The following RBFOX1 variants were observed in gnomAD, a reference collection of about 807,000 sequenced individuals.
RBFOX1 encodes the protein RNA binding protein fox-1 homolog 1.
Under a neutral mutation model 57.7 loss-of-function variants are expected in RBFOX1, and 8 were observed. That is an observed-to-expected ratio of 0.14 (90% CI 0.08 to 0.25). The LOEUF is 0.25. Among genes scored for constraint, RBFOX1 ranks in the 10% least tolerant of loss-of-function variants. The pLI, the probability that RBFOX1 is intolerant of heterozygous loss-of-function variation, is 1.00. For synonymous variants in RBFOX1, 326 were observed against 222.4 expected, an observed-to-expected ratio of 1.47 and a Z score of -4.15; for missense variants, 611 against 548.5, an observed-to-expected ratio of 1.11 and a Z score of -1.14.
chr16:6,111,420 C>G (rs1014336087), intron 1 of RBFOX1, among the ~76,000 whole-genome samples: 4 of 152,156 alleles, frequency 2.6e-5, no homozygotes, highest in African/African-American at 9.7e-5. Flanking sequence ...ACAGAGTGGG[C>G]TGTGAAACCA....
chr16:7,242,278 A>C (rs972422562), intron 4 of RBFOX1, among the ~76,000 whole-genome samples: 7 of 152,172 alleles, frequency 4.6e-5, no homozygotes, highest in African/African-American at 1.7e-4. Context: ...GTTGCATGTA[A>C]ATGTCTGAAT....
At chr16:6,727,426 T>C (rs1309770571) in intron 3 of RBFOX1, among the ~76,000 whole-genome samples, 1 of 152,078 alleles carries the variant, frequency 6.6e-6, no homozygotes, top group Non-Finnish European at 1.5e-5. Context: ...TTTTTTTTTC[T>C]TTTTTTCCTT....
intron 1 of RBFOX1, among the ~76,000 whole-genome samples, chr16:5,259,511 G>A (rs1309117570): frequency 6.6e-6 from 1 of 152,180 alleles, no homozygotes; most frequent in Non-Finnish European, 1.5e-5. Flanking sequence ...CCCCTGGATT[G>A]TAAACTCCTT....
rs2096254208 is a variant in RBFOX1, at chr16:6,097,097, C to T, written c.-127+77105C>T. ...TTGTCATGGTGGTGAGTAAGTCTTA[C>T]TAGATCTGATGGTTTGATAAGGGGA... On this transcript the variant is annotated intron_variant, in intron 1 of 15. Coordinates refer to ENST00000550418, the MANE Select transcript of RBFOX1 (RefSeq NM_018723.4). This position sits in a 1 kb window ranked among gnomAD's most constrained non-coding sequence, Gnocchi z 5.0. Among the ~76,000 whole-genome samples the T allele has an allele frequency of 6.6e-6, 1 of 152,112 alleles. No homozygotes were observed. Among genetic ancestry groups the T allele is most frequent in the Admixed American group, 6.5e-5 (1 of 15,276 alleles).
At chr16:6,608,297 G>A (rs2097977127) in intron 2 of RBFOX1, among the ~76,000 whole-genome samples, 1 of 152,158 alleles carries the variant, frequency 6.6e-6, no homozygotes. Context: ...AAGCCATATA[G>A]TATCCTGTGG....
intron 2 of RBFOX1, among the ~76,000 whole-genome samples, chr16:5,500,594 C>T (rs1228298973): frequency 6.6e-6 from 1 of 152,160 alleles, no homozygotes; most frequent in African/African-American, 2.4e-5. Flanking sequence ...CTGCCATCAG[C>T]TATGTCAGGA....
intron 2 of RBFOX1, among the ~76,000 whole-genome samples, chr16:6,427,413 T>C (rs2093961172): frequency 6.6e-6 from 1 of 152,230 alleles, no homozygotes; most frequent in African/African-American, 2.4e-5. Flanking sequence ...GGAGTAGTTC[T>C]GAACGCTGAG....
chr16:5,318,153 G>T (rs1274745780), intron 1 of RBFOX1, among the ~76,000 whole-genome samples: 1 of 152,094 alleles, frequency 6.6e-6, no homozygotes, highest in East Asian at 1.9e-4. Flanking sequence ...TTTTAAGACA[G>T]TGTCTCACTG....
chr16:6,898,738 G>T (rs2067615972), intron 3 of RBFOX1, among the ~76,000 whole-genome samples: 1 of 152,026 alleles, frequency 6.6e-6, no homozygotes, highest in African/African-American at 2.4e-5. Flanking sequence ...TGATACATGT[G>T]TATGTGTCCA....
chr16:5,449,409 A>G (rs949755330), intron 1 of RBFOX1, among the ~76,000 whole-genome samples: 2 of 152,132 alleles, frequency 1.3e-5, no homozygotes, highest in African/African-American at 2.4e-5. Context: ...CACAAACCTC[A>G]GTTTCTGTTT....
chr16:7,215,467 A>G (rs183399340), intron 4 of RBFOX1, among the ~76,000 whole-genome samples: 1 of 152,160 alleles, frequency 6.6e-6, no homozygotes, highest in African/African-American at 2.4e-5. Flanking sequence ...GCACATATAC[A>G]CCATGGAATT....
chr16:6,859,320 A>G (rs867591812), intron 3 of RBFOX1, among the ~76,000 whole-genome samples: 11 of 151,242 alleles, frequency 7.3e-5, no homozygotes, highest in Admixed American at 1.3e-4. Flanking sequence ...TATCTATTAT[A>G]TTTTTATAAG....
At chr16:7,161,821 G>C (rs1414205276) in intron 4 of RBFOX1, among the ~76,000 whole-genome samples, 2 of 152,208 alleles carry the variant, frequency 1.3e-5, no homozygotes, top group African/African-American at 4.8e-5. Flanking sequence ...GAAGTTTCTA[G>C]TCAGTCCTAA....
intron 3 of RBFOX1, among the ~76,000 whole-genome samples, chr16:6,863,939 C>G (rs187412823): frequency 6.6e-6 from 1 of 150,846 alleles, no homozygotes; most frequent in Non-Finnish European, 1.5e-5. Context: ...GTGCTCCCTC[C>G]TTCTTCCTTC....
intron 1 of RBFOX1, among the ~76,000 whole-genome samples, chr16:5,353,784 G>C (rs76756483): frequency 0.019 from 2,921 of 151,714 alleles, 45 homozygotes; most frequent in Non-Finnish European, 0.028. Flanking sequence ...CCCTTAGGAC[G>C]TCTCGGGGGC....
chr16:6,186,919 C>T (rs748450489), intron 1 of RBFOX1, among the ~76,000 whole-genome samples: 2 of 152,140 alleles, frequency 1.3e-5, no homozygotes, highest in African/African-American at 4.8e-5. Context: ...GCTCAATACT[C>T]TCGTGGTTCA....
intron 2 of RBFOX1, among the ~76,000 whole-genome samples, chr16:6,491,055 G>A (rs1328125653): frequency 6.6e-6 from 1 of 152,024 alleles, no homozygotes; most frequent in Non-Finnish European, 1.5e-5. Flanking sequence ...GTAAAGTTCT[G>A]TAGATACTAT....
intron 3 of RBFOX1, among the ~76,000 whole-genome samples, chr16:6,980,374 C>G (rs139816122): frequency 1.1e-3 from 163 of 152,032 alleles, no homozygotes; most frequent in African/African-American, 3.8e-3. Context: ...CTTTTGTTTT[C>G]TAATCTTATC....
At chr16:6,328,627 A>T (rs779550095) in intron 2 of RBFOX1, among the ~76,000 whole-genome samples, 1 of 152,128 alleles carries the variant, frequency 6.6e-6, no homozygotes. Context: ...TCTATTCACT[A>T]TGTATGCAAA....
Sources: allele counts gnomAD v4.1 joint callset (sites outside exome capture counted in the v4.1 genomes callset), GRCh38; gene constraint gnomAD v4.1.1; non-coding constraint Gnocchi (gnomAD v3.1); transcripts MANE v1.5; gene names NCBI Gene and HGNC (gene_info 2026-07-23, HGNC 2026-07-21).